The following LCLAT1 variants were observed in gnomAD, a reference collection of about 807,000 sequenced individuals.
The protein encoded by LCLAT1 is 1-AGP acyltransferase 8.
LCLAT1 carries 11 observed loss-of-function variants against 30.7 expected under a neutral mutation model. The ratio of observed to expected loss-of-function variants is 0.36; its 90% CI spans 0.23 to 0.59. The LOEUF (loss-of-function observed/expected upper bound fraction) is 0.59. Ranked by LOEUF, LCLAT1 falls within the 20% of genes least tolerant of loss-of-function variation. The probability of loss-of-function intolerance (pLI) is 0.77; values close to 1 mark genes in which losing one functional copy is unlikely to be tolerated. For synonymous variants in LCLAT1, 155 were observed against 151.3 expected, an observed-to-expected ratio of 1.02 and a Z score of -0.18; for missense variants, 402 against 458.6, an observed-to-expected ratio of 0.88 and a Z score of 1.13.
chr2:30,562,291 A>G lies in LCLAT1; in HGVS notation c.510A>G (p.Thr170=), dbSNP rs1056635687. 3 of 1,598,480 alleles carry G rather than the reference A, an allele frequency of 1.9e-6. No homozygotes were observed. The highest frequency in any genetic ancestry group is 2.7e-5 in the African/African-American group (2 of 74,684). The change falls in exon 4 of 6, where the codon ACA becomes ACG. Residue 170 remains threonine (T), a splice_region_variant and synonymous_variant. Transcript: ENST00000379509. ...TATTCCCAGAAGGGACTGATCTCACAGGTAATGTAGCCTGGGTTTGGCAAA... is the reference window on the plus strand; with the variant it reads ...TATTCCCAGAAGGGACTGATCTCACGGGTAATGTAGCCTGGGTTTGGCAAA... ...LLIFPEGTDL[T]ENSKSRSNAF...
intron 1 of LCLAT1, among the ~76,000 whole-genome samples, chr2:30,460,459 G>T (rs1682058884): frequency 6.6e-6 from 1 of 152,008 alleles, no homozygotes; most frequent in Admixed American, 6.5e-5. Flanking sequence ...TGCTTTTGAT[G>T]TTTTTTCTCC....
At chr2:30,567,783 T>G (rs1387306593) in intron 4 of LCLAT1, among the ~76,000 whole-genome samples, 1 of 152,184 alleles carries the variant, frequency 6.6e-6, no homozygotes, top group Non-Finnish European at 1.5e-5. Flanking sequence ...GTTTGCTGGC[T>G]CTCTGTTTAA....
intron 5 of LCLAT1, among the ~76,000 whole-genome samples, chr2:30,585,470 G>A (rs999618353): frequency 6.6e-5 from 10 of 152,056 alleles, no homozygotes; most frequent in East Asian, 1.9e-4. Context: ...TAAGTTCACC[G>A]TCTGCATGAT....
At chr2:30,606,123 A>G (rs990146888) in intron 5 of LCLAT1, 2 of 884,882 alleles carry the variant, frequency 2.3e-6, no homozygotes, top group African/African-American at 3.6e-5. Context: ...CTCCATGCTC[A>G]TGGATTGGAA....
chr2:30,464,637 T>A (rs1489882088), intron 1 of LCLAT1, among the ~76,000 whole-genome samples: 1 of 152,176 alleles, frequency 6.6e-6, no homozygotes, highest in Admixed American at 6.5e-5. Context: ...ATTTAACTCA[T>A]ACAGTGAAAC....
chr2:30,520,004 G>T (rs537291604), intron 1 of LCLAT1, among the ~76,000 whole-genome samples: 113 of 152,328 alleles, frequency 7.4e-4, no homozygotes, highest in African/African-American at 2.6e-3. Flanking sequence ...ATCAGGTAGA[G>T]GCTCGCCATT....
intron 3 of LCLAT1, among the ~76,000 whole-genome samples, chr2:30,559,661 C>A (rs1665100375): frequency 6.6e-6 from 1 of 152,082 alleles, no homozygotes; most frequent in African/African-American, 2.4e-5. Context: ...TCTCACACAC[C>A]CTCATGCTAT....
chr2:30,498,260 A>G (rs1169566583), intron 1 of LCLAT1, among the ~76,000 whole-genome samples: 1 of 152,206 alleles, frequency 6.6e-6, no homozygotes, highest in Non-Finnish European at 1.5e-5. Context: ...TTTTGGAGAA[A>G]GCACCACTTA....
intron 1 of LCLAT1, among the ~76,000 whole-genome samples, chr2:30,522,442 C>T (rs1048449566): frequency 1.3e-5 from 2 of 152,138 alleles, no homozygotes; most frequent in Non-Finnish European, 2.9e-5. Flanking sequence ...CAAGTTTGTC[C>T]ATCAAACTCT....
At chr2:30,569,821 A>G (rs1388289868) in intron 5 of LCLAT1, among the ~76,000 whole-genome samples, 1 of 152,232 alleles carries the variant, frequency 6.6e-6, no homozygotes, top group East Asian at 1.9e-4. Flanking sequence ...CGTGATTACA[A>G]CTAATATAAC....
chr2:30,603,661 A>G (rs1667292745), intron 5 of LCLAT1, among the ~76,000 whole-genome samples: 1 of 152,174 alleles, frequency 6.6e-6, no homozygotes, highest in Admixed American at 6.6e-5. Context: ...AATTTAGGAA[A>G]CAAGGAAAAC....
chr2:30,527,483 A>G (rs1291862632), intron 2 of LCLAT1, among the ~76,000 whole-genome samples: 1 of 152,218 alleles, frequency 6.6e-6, no homozygotes, highest in Non-Finnish European at 1.5e-5. Context: ...AGTTCTGAGA[A>G]TTGGTAAAAA....
intron 1 of LCLAT1, among the ~76,000 whole-genome samples, chr2:30,465,766 A>G (rs973015896): frequency 6.6e-5 from 10 of 152,168 alleles, no homozygotes; most frequent in African/African-American, 2.4e-4. Flanking sequence ...AGTAATTTAG[A>G]ATCATTTATA....
chr2:30,463,173 G>A (rs9636423), intron 1 of LCLAT1, among the ~76,000 whole-genome samples: 93,691 of 151,544 alleles, frequency 0.62, 31,027 homozygotes, highest in Admixed American at 0.77. Context: ...AATATATGAA[G>A]AACAGATCAG....
intron 1 of LCLAT1, among the ~76,000 whole-genome samples, chr2:30,523,483 T>C (rs577217247): frequency 1.3e-5 from 2 of 152,304 alleles, no homozygotes; most frequent in South Asian, 4.1e-4. Flanking sequence ...AGTTTAGGTC[T>C]AGAGTTTAGC....
chr2:30,459,487 T>C, intron 1 of LCLAT1: 1 of 716,944 alleles, frequency 1.4e-6, no homozygotes. Flanking sequence ...AACCATCTGA[T>C]GAGCCCGGTG....
At chr2:30,450,142 G>A (rs1444237578) in intron 1 of LCLAT1, among the ~76,000 whole-genome samples, 1 of 152,202 alleles carries the variant, frequency 6.6e-6, no homozygotes, top group Non-Finnish European at 1.5e-5. Context: ...ATAAATAAAT[G>A]ATTAACTAAT....
At chr2:30,584,698 G>A (rs140811135) in intron 5 of LCLAT1, among the ~76,000 whole-genome samples, 150 of 152,256 alleles carry the variant, frequency 9.9e-4, no homozygotes, top group African/African-American at 3.5e-3. Context: ...TTCTATGATG[G>A]CAGTTAGTCC....
intron 2 of LCLAT1, among the ~76,000 whole-genome samples, chr2:30,527,395 T>A (rs1247696099): frequency 6.6e-6 from 1 of 152,232 alleles, no homozygotes; most frequent in Non-Finnish European, 1.5e-5. Flanking sequence ...TTTCTAAATG[T>A]CATCAGTTTT....
Sources: gnomAD v4.1 joint callset for allele counts (sites outside exome capture counted in the v4.1 genomes callset) on GRCh38, gnomAD v4.1.1 for gene constraint, MANE v1.5 for transcripts, NCBI Gene and HGNC (gene_info 2026-07-23, HGNC 2026-07-21) for gene names.